TMTC2: variants seen among roughly 807,000 people sequenced by gnomAD.
TMTC2 encodes the protein transmembrane O-mannosyltransferase targeting cadherins 2.
Under a neutral mutation model 82.4 loss-of-function variants are expected in TMTC2, and 43 were observed. The observed-to-expected ratio is 0.52, with a 90% CI of 0.41 to 0.67. The LOEUF (loss-of-function observed/expected upper bound fraction) is 0.67, where lower values mean the gene tolerates loss of function less well. Ranked by LOEUF, TMTC2 falls within the 30% of genes least tolerant of loss-of-function variation. The pLI is 0.00. For synonymous variants in TMTC2, 408 were observed against 381.9 expected (o/e 1.07, Z -0.80); for missense variants, 919 against 1,012.4 (o/e 0.91, Z 1.25).
At chr12:83,097,146 C>T (rs1208819353) in intron 11 of TMTC2, among the ~76,000 whole-genome samples, 1 of 152,182 alleles carries the variant, frequency 6.6e-6, no homozygotes, top group Non-Finnish European at 1.5e-5. Flanking sequence ...TAACACACAA[C>T]TAACAAGTGG....
intron 1 of TMTC2, among the ~76,000 whole-genome samples, chr12:82,804,567 T>TA (rs1234490427): frequency 6.6e-6 from 1 of 152,142 alleles, no homozygotes. Flanking sequence ...ATATTTTTTT[T>TA]AATTGCTCTT....
At chr12:83,032,853 G>A (rs537286605) in intron 9 of TMTC2, among the ~76,000 whole-genome samples, 44 of 152,178 alleles carry the variant, frequency 2.9e-4, no homozygotes, top group Middle Eastern at 3.4e-3. Flanking sequence ...GAGCCACTGC[G>A]CCCAGCCTAC....
chr12:82,978,840 T>C (rs996170060), intron 7 of TMTC2, among the ~76,000 whole-genome samples: 4 of 151,792 alleles, frequency 2.6e-5, no homozygotes, highest in Non-Finnish European at 5.9e-5. Flanking sequence ...CTAATAATAC[T>C]TGGTTTATAT....
chr12:82,989,872 A>G (rs1249602247), intron 8 of TMTC2, among the ~76,000 whole-genome samples: 1 of 151,758 alleles, frequency 6.6e-6, no homozygotes, highest in East Asian at 1.9e-4. Flanking sequence ...ATAGTTTCCG[A>G]CTTGCTGATT....
chr12:83,073,027 T>A (rs896494737), intron 11 of TMTC2, among the ~76,000 whole-genome samples: 2 of 151,750 alleles, frequency 1.3e-5, no homozygotes, highest in African/African-American at 4.8e-5. Context: ...TTCATAGTGC[T>A]CTTTGTTGCC....
rs749742477 is a variant in TMTC2 at position 82,803,640 on chromosome 12, C to T, written c.84-53370C>T. 5.2e-4 allele frequency among the ~76,000 whole-genome samples: 79 copies of T among 152,040 alleles called. 2 individuals are homozygous for T. Among genetic ancestry groups the T allele is most frequent in the Non-Finnish European group, 2.4e-4 (16 of 68,008 alleles). ...CATTTCACTGGAAAAGGGAAAAATG[C>T]TTCGGTTGAGCATGCATACACCTCC... is the stretch of plus-strand genomic sequence containing the variant. On this transcript the variant is annotated intron_variant, in intron 1 of 11. Coordinates refer to ENST00000321196, the MANE Select transcript of TMTC2 (RefSeq NM_152588.3).
chr12:82,854,569 G>A lies in TMTC2; in HGVS notation c.84-2441G>A, dbSNP rs973249158. On this transcript the variant is annotated intron_variant, in intron 1 of 11. Transcript: ENST00000321196. Reference sequence around the variant, plus strand: ...AAAATTCATCATATGATCATATTTAGTATGAAGGGAAGATAGGGAAATAAA... The same window carrying A: ...AAAATTCATCATATGATCATATTTAATATGAAGGGAAGATAGGGAAATAAA... Among the ~76,000 whole-genome samples the A allele has an allele frequency of 4.6e-5, 7 of 152,240 alleles. No individual in the cohort carries two copies. The East Asian group carries it at 1.4e-3, about 29-fold the overall frequency.
intron 1 of TMTC2, among the ~76,000 whole-genome samples, chr12:82,778,013 T>A (rs1877688604): frequency 6.6e-6 from 1 of 152,100 alleles, no homozygotes; most frequent in Non-Finnish European, 1.5e-5. Context: ...TTATGAAACA[T>A]TTTTTCACCC....
At chr12:83,118,260 G>C (rs1006873386) in intron 11 of TMTC2, among the ~76,000 whole-genome samples, 1 of 152,038 alleles carries the variant, frequency 6.6e-6, no homozygotes, top group Non-Finnish European at 1.5e-5. Flanking sequence ...TTCTCTAGAG[G>C]GAATGCTTTC....
rs1190690815 is a variant in TMTC2 at position 82,800,634 on chromosome 12, A to AT, written c.84-56373dup. 3.2e-4 allele frequency among the ~76,000 whole-genome samples: 48 copies of AT among 152,302 alleles called. 1 individual carries two copies. The highest frequency in any genetic ancestry group is 1.1e-3 in the African/African-American group (47 of 41,590). On this transcript the variant is annotated intron_variant, in intron 1 of 11. Transcript: ENST00000321196. ...TATTTAACATCCTCCCACCACCAAA[A>AT]TTTGAGTTTTAGTGTTTCCACACTT...
At chr12:82,772,810 C>T (rs11115406) in intron 1 of TMTC2, among the ~76,000 whole-genome samples, 23,084 of 151,948 alleles carry the variant, frequency 0.15, 2,004 homozygotes, top group African/African-American at 0.24. Flanking sequence ...TTAAATTCTA[C>T]GTTGGGTGCT....
intron 1 of TMTC2, among the ~76,000 whole-genome samples, chr12:82,764,856 A>G (rs1876857461): frequency 1.3e-5 from 2 of 149,558 alleles, no homozygotes; most frequent in African/African-American, 4.9e-5. Flanking sequence ...TTTTTTTAAC[A>G]TAAGATGACA....
intron 1 of TMTC2, among the ~76,000 whole-genome samples, chr12:82,854,452 C>T (rs1031127259): frequency 1.3e-5 from 2 of 151,768 alleles, no homozygotes; most frequent in Non-Finnish European, 2.9e-5. Context: ...CTCCACTCAG[C>T]AGGAAGGAGG....
At chr12:83,061,054 T>G (rs1882722255) in intron 10 of TMTC2, among the ~76,000 whole-genome samples, 1 of 151,736 alleles carries the variant, frequency 6.6e-6, no homozygotes, top group Non-Finnish European at 1.5e-5. Context: ...AGAAGTGAGA[T>G]ATACAAAAGC....
chr12:83,009,689 G>A (rs1169135069), intron 8 of TMTC2, among the ~76,000 whole-genome samples: 2 of 152,046 alleles, frequency 1.3e-5, no homozygotes, highest in African/African-American at 4.8e-5. Flanking sequence ...TTGTACTCTT[G>A]AGACACTTTC....
chr12:82,881,940 A>G lies in TMTC2; in HGVS notation c.655-13878A>G, dbSNP rs1163158926. On this transcript the variant is annotated intron_variant, in intron 2 of 11. Coordinates refer to ENST00000321196, the MANE Select transcript of TMTC2 (RefSeq NM_152588.3). ...GACACTTTGTGAAAACTCAGATTAT[A>G]TTTTTCACCTTTTCCCACGTTACCC... Among the ~76,000 whole-genome samples, 2 of 143,822 alleles carry G rather than the reference A, an allele frequency of 1.4e-5. 1 individual carries two copies. The highest frequency in any genetic ancestry group is 4.3e-4 in the South Asian group (2 of 4,690). The allele number at this position is 143,822 out of a possible 152,430, so 94.4% of individuals were successfully genotyped here.
chr12:82,995,901 G>A (rs1879596374), intron 8 of TMTC2, among the ~76,000 whole-genome samples: 1 of 152,064 alleles, frequency 6.6e-6, no homozygotes. Flanking sequence ...ATCCCCCAAG[G>A]GACTGGTATG....
At chr12:82,931,993 A>C (rs928284646) in intron 4 of TMTC2, among the ~76,000 whole-genome samples, 3 of 152,128 alleles carry the variant, frequency 2.0e-5, no homozygotes, top group Non-Finnish European at 4.4e-5. Flanking sequence ...AAGATGACTG[A>C]TCCTAGGTAA....
At chr12:82,778,173 C>T (rs1592513962) in intron 1 of TMTC2, among the ~76,000 whole-genome samples, 1 of 152,062 alleles carries the variant, frequency 6.6e-6, no homozygotes, top group South Asian at 2.1e-4. Flanking sequence ...TAGTCTCTCA[C>T]CTCTCCAACA....
Sources: gnomAD v4.1 joint callset for allele counts (sites outside exome capture counted in the v4.1 genomes callset) on GRCh38, gnomAD v4.1.1 for gene constraint, MANE v1.5 for transcripts, NCBI Gene and HGNC (gene_info 2026-07-23, HGNC 2026-07-21) for gene names.